PARP14: variants seen among roughly 807,000 people sequenced by gnomAD.
PARP14 encodes poly(ADP-ribose) polymerase family member 14, also known as protein mono-ADP-ribosyltransferase PARP14.
PARP14 carries 59 observed loss-of-function variants against 154.2 expected under a neutral mutation model. The ratio of observed to expected loss-of-function variants is 0.38; its 90% confidence interval spans 0.31 to 0.48. The LOEUF (loss-of-function observed/expected upper bound fraction) is 0.48, where lower values mean the gene tolerates loss of function less well. Ranked by LOEUF, PARP14 falls within the 20% of genes least tolerant of loss-of-function variation. The probability of loss-of-function intolerance (pLI) is 0.98; values close to 1 mark genes in which losing one functional copy is unlikely to be tolerated. For synonymous variants in PARP14, 720 were observed against 780.5 expected (o/e 0.92, Z 1.29); for missense variants, 1,734 against 2,131.6 (o/e 0.81, Z 3.67).
At position 122,708,832 on chromosome 3, in the gene PARP14, T is replaced by C. The variant is rs569999734; in HGVS notation, c.3619+564T>C. Reference sequence around the variant, plus strand: ...TTCTCCCCATGCCTACCCCCCTCAATCCCACTCATCTTTTTTCTCTCTTGT... The same window carrying C: ...TTCTCCCCATGCCTACCCCCCTCAACCCCACTCATCTTTTTTCTCTCTTGT... On this transcript the variant is annotated intron_variant, in intron 9 of 16. Coordinates refer to ENST00000474629, the MANE Select transcript of PARP14 (RefSeq NM_017554.3). Among the ~76,000 whole-genome samples the C allele has an allele frequency of 9.9e-5, 15 of 152,156 alleles. No individual in the cohort carries two copies. In the South Asian group the frequency reaches 2.7e-3, roughly 27 times the overall value.
chr3:122,727,683 C>T (rs1933321814), intron 15 of PARP14, 129 bp from the exon 16 acceptor site: 1 of 513,906 alleles, frequency 1.9e-6, no homozygotes, highest in Non-Finnish European at 3.4e-6. Context: ...ATGCAGAAAG[C>T]TGCCGTCTGG....
At chr3:122,690,597 C>T (rs1051442172) in intron 3 of PARP14, among the ~76,000 whole-genome samples, 4 of 152,112 alleles carry the variant, frequency 2.6e-5, no homozygotes, top group South Asian at 2.1e-4. Context: ...CTGCAACCTC[C>T]GCCTCCCAGC....
intron 5 of PARP14, among the ~76,000 whole-genome samples, chr3:122,697,784 C>T (rs1938825562): frequency 6.6e-6 from 1 of 152,200 alleles, no homozygotes; most frequent in Admixed American, 6.5e-5. Flanking sequence ...ATCTCACAAT[C>T]CCATTAATAA....
chr3:122,682,789 C>T (rs1038981013), intron 1 of PARP14, among the ~76,000 whole-genome samples: 2 of 152,120 alleles, frequency 1.3e-5, no homozygotes, highest in Non-Finnish European at 1.5e-5. Context: ...TGGTGGCTCA[C>T]GCCTGTTAAT....
intron 15 of PARP14, among the ~76,000 whole-genome samples, chr3:122,723,267 G>A (rs1017283248): frequency 6.6e-6 from 1 of 151,914 alleles, no homozygotes; most frequent in African/African-American, 2.4e-5. Context: ...TTTTCCAGTT[G>A]TTCAAAAAAA....
intron 9 of PARP14, among the ~76,000 whole-genome samples, 165 bp downstream of exon 9, chr3:122,708,433 T>G (rs1211242449): frequency 2.4e-4 from 36 of 152,212 alleles, no homozygotes. Context: ...ACTGGTCATG[T>G]TTATATAATC....
intron 9 of PARP14, among the ~76,000 whole-genome samples, chr3:122,710,714 G>A (rs1939295883): frequency 6.6e-6 from 1 of 151,742 alleles, no homozygotes; most frequent in Admixed American, 6.6e-5. Flanking sequence ...ATTTGTTTGT[G>A]TCATTTCTTT....
intron 12 of PARP14, among the ~76,000 whole-genome samples, chr3:122,716,776 A>G (rs1303596746): frequency 6.6e-6 from 1 of 152,102 alleles, no homozygotes; most frequent in African/African-American, 2.4e-5. Context: ...TCCAGACTTA[A>G]CTTCCTCAAA....
chr3:122,699,002 A>G (rs1239549417), intron 5 of PARP14, among the ~76,000 whole-genome samples: 1 of 152,268 alleles, frequency 6.6e-6, no homozygotes, highest in Non-Finnish European at 1.5e-5. Context: ...TATCAGTAAT[A>G]TCAGGAAAAC....
chr3:122,685,377 G>A, intron 2 of PARP14, 59 bp downstream of exon 2: 2 of 1,473,928 alleles, frequency 1.4e-6, no homozygotes, highest in Non-Finnish European at 1.9e-6. Context: ...GTGTGAGATG[G>A]GAATCACCAT....
intron 9 of PARP14, among the ~76,000 whole-genome samples, chr3:122,712,213 T>C (rs1484133036): frequency 6.6e-6 from 1 of 151,772 alleles, no homozygotes; most frequent in Non-Finnish European, 1.5e-5. Context: ...AAGTCTTCTA[T>C]AATTCACATC....
At chr3:122,702,705 A>G (rs1325232449) in intron 6 of PARP14, among the ~76,000 whole-genome samples, 1 of 152,088 alleles carries the variant, frequency 6.6e-6, no homozygotes, top group South Asian at 2.1e-4. Context: ...TAACCATTGC[A>G]CTCTTTCAAA....
intron 15 of PARP14, among the ~76,000 whole-genome samples, chr3:122,724,645 A>T (rs867663893): frequency 0.052 from 7,235 of 138,944 alleles, 235 homozygotes; most frequent in Middle Eastern, 0.099. Flanking sequence ...TGAAAAAAAA[A>T]TTTTTTTTTT....
intron 12 of PARP14, among the ~76,000 whole-genome samples, chr3:122,716,878 A>T (rs533944266): frequency 2.6e-4 from 40 of 152,024 alleles, no homozygotes; most frequent in Non-Finnish European, 5.3e-4. Flanking sequence ...TCCATATTTC[A>T]CCTGTTGATC....
chr3:122,704,395 T>C, intron 7 of PARP14, 132 bp from the exon 8 acceptor site: 1 of 613,680 alleles, frequency 1.6e-6, no homozygotes, highest in Non-Finnish European at 2.9e-6. Flanking sequence ...TCTTTCCTCT[T>C]CTGATTGCCC....
chr3:122,691,168 T>A (rs144339247), intron 3 of PARP14, among the ~76,000 whole-genome samples: 42 of 152,328 alleles, frequency 2.8e-4, no homozygotes, highest in African/African-American at 9.9e-4. Flanking sequence ...CTGCGAACAT[T>A]TACACATGTC....
chr3:122,712,694 C>T (rs1364676034), intron 9 of PARP14, among the ~76,000 whole-genome samples: 1 of 152,032 alleles, frequency 6.6e-6, no homozygotes, highest in African/African-American at 2.4e-5. Context: ...GCTGGGACTA[C>T]AGTTGTGCAC....
At chr3:122,690,877 G>A (rs1938519585) in intron 3 of PARP14, among the ~76,000 whole-genome samples, 1 of 152,176 alleles carries the variant, frequency 6.6e-6, no homozygotes, top group African/African-American at 2.4e-5. Flanking sequence ...ATGGTGGTGG[G>A]AGTGTCAGTC....
chr3:122,694,763 G>A (rs190859789), intron 4 of PARP14, among the ~76,000 whole-genome samples: 12 of 152,150 alleles, frequency 7.9e-5, no homozygotes, highest in South Asian at 2.1e-4. Flanking sequence ...CAGGTGATCC[G>A]CCTGCCTTGG....
Sources: allele counts gnomAD v4.1 joint callset (sites outside exome capture counted in the v4.1 genomes callset), GRCh38; gene constraint gnomAD v4.1.1; transcripts MANE v1.5; gene names NCBI Gene and HGNC (gene_info 2026-07-23, HGNC 2026-07-21).